SLC5A4: variants seen among roughly 807,000 people sequenced by gnomAD.
SLC5A4 encodes the protein probable glucose sensor protein SLC5A4.
SLC5A4 carries 55 observed loss-of-function variants against 70.3 expected under a neutral mutation model. That is an observed-to-expected ratio of 0.78 (90% CI 0.63 to 0.98). The LOEUF is 0.98. Ranked by LOEUF, SLC5A4 falls within the 50% of genes least tolerant of loss-of-function variation. The probability of loss-of-function intolerance (pLI) is 0.00; values close to 1 mark genes in which losing one functional copy is unlikely to be tolerated. For synonymous variants in SLC5A4, 268 were observed against 305.7 expected (o/e 0.88, Z 1.29); for missense variants, 735 against 839.2 (o/e 0.88, Z 1.53).
the SLC5A4 span, among the ~76,000 whole-genome samples, chr22:32,303,067 C>G: frequency 1.3e-5 from 2 of 151,694 alleles, no homozygotes; most frequent in African/African-American, 4.8e-5. Context: ...TTGTAGTTTT[C>G]AGGATATGGG....
the SLC5A4 span, among the ~76,000 whole-genome samples, chr22:32,292,631 A>G: frequency 6.6e-6 from 1 of 152,098 alleles, no homozygotes; most frequent in African/African-American, 2.4e-5. Context: ...ATAGAATTCT[A>G]TCTTAATGGC....
intron 7 of SLC5A4, 45 bp downstream of exon 7, chr22:32,237,199 C>G (rs1166119184): frequency 7.3e-7 from 1 of 1,373,620 alleles, no homozygotes. Context: ...AAACAAGTCC[C>G]GTGATTTCCA....
chr22:32,304,851 T>C, the SLC5A4 span, among the ~76,000 whole-genome samples: 1 of 41,262 alleles, frequency 2.4e-5, no homozygotes, highest in East Asian at 5.0e-4. Flanking sequence ...AGTTCTACAG[T>C]TTTTTTTTCT....
At chr22:32,271,925 C>T in the SLC5A4 span, 1 of 576,224 alleles carries the variant, frequency 1.7e-6, no homozygotes, top group Non-Finnish European at 3.3e-6. Context: ...CACCAACACA[C>T]TGTGCACCTG....
At chr22:32,338,376 C>T in the SLC5A4 span, among the ~76,000 whole-genome samples, 3 of 149,586 alleles carry the variant, frequency 2.0e-5, no homozygotes, top group Non-Finnish European at 3.0e-5. Flanking sequence ...AGGCTGGACG[C>T]GGTGCCTCAC....
intron 7 of SLC5A4, among the ~76,000 whole-genome samples, chr22:32,235,437 TG>T (rs1926004860): frequency 6.6e-6 from 1 of 152,164 alleles, no homozygotes; most frequent in Non-Finnish European, 1.5e-5. Context: ...AACTGGAAGG[TG>T]AGCTAACAAA....
the SLC5A4 span, chr22:32,271,199 C>T: frequency 1.3e-6 from 1 of 758,142 alleles, no homozygotes. Context: ...TGCCAGCTCC[C>T]CGACTGGCGG....
At chr22:32,342,541 CAAAAT>C in the SLC5A4 span, among the ~76,000 whole-genome samples, 2 of 151,896 alleles carry the variant, frequency 1.3e-5, no homozygotes, top group Non-Finnish European at 2.9e-5. Context: ...AATTAAAAAT[CAAAAT>C]AGAAGTACTT....
chr22:32,345,580 G>C, the SLC5A4 span, among the ~76,000 whole-genome samples: 1 of 152,044 alleles, frequency 6.6e-6, no homozygotes, highest in East Asian at 1.9e-4. Context: ...TGAGGGACAT[G>C]AAAAAGAGAA....
At chr22:32,286,649 T>C in the SLC5A4 span, among the ~76,000 whole-genome samples, 5 of 152,326 alleles carry the variant, frequency 3.3e-5, no homozygotes, top group African/African-American at 1.2e-4. Flanking sequence ...AGGACACTGA[T>C]ACTGGAGGCT....
chr22:32,253,420 G>A (rs992664704), intron 2 of SLC5A4, among the ~76,000 whole-genome samples: 2 of 152,194 alleles, frequency 1.3e-5, no homozygotes, highest in African/African-American at 4.8e-5. Flanking sequence ...GAGAGAGCCG[G>A]GAGGCTCCTC....
At chr22:32,330,682 G>GGT in the SLC5A4 span, among the ~76,000 whole-genome samples, 7 of 93,196 alleles carry the variant, frequency 7.5e-5, no homozygotes, top group Admixed American at 1.3e-4. Context: ...AGGGGGCTCT[G>GGT]GTGTGTGTGT....
chr22:32,320,257 C>T, the SLC5A4 span, among the ~76,000 whole-genome samples: 3 of 152,188 alleles, frequency 2.0e-5, no homozygotes, highest in Admixed American at 2.0e-4. Flanking sequence ...TGGGTTTCTG[C>T]TTCACTGCTG....
the SLC5A4 span, among the ~76,000 whole-genome samples, chr22:32,298,483 C>G: frequency 1.0e-5 from 1 of 97,656 alleles, no homozygotes; most frequent in Non-Finnish European, 2.2e-5. Flanking sequence ...CAACCCCTGC[C>G]TTTTTTTGTT....
chr22:32,287,874 C>T, the SLC5A4 span, among the ~76,000 whole-genome samples: 14 of 151,812 alleles, frequency 9.2e-5, no homozygotes, highest in Admixed American at 7.9e-4. Flanking sequence ...CCTAACCCTA[C>T]TCCATCATTA....
chr22:32,312,365 G>GCGCACACACA, the SLC5A4 span, among the ~76,000 whole-genome samples: 4 of 102,122 alleles, frequency 3.9e-5, no homozygotes, highest in African/African-American at 1.2e-4. Context: ...ACGCGCGCGC[G>GCGCACACACA]CACACACACA....
intron 9 of SLC5A4, among the ~76,000 whole-genome samples, chr22:32,231,395 G>A (rs1925753976): frequency 6.6e-6 from 1 of 152,210 alleles, no homozygotes; most frequent in Non-Finnish European, 1.5e-5. Flanking sequence ...ATTCTTCCAG[G>A]AACACAGAGC....
the SLC5A4 span, among the ~76,000 whole-genome samples, chr22:32,348,095 C>T: frequency 1.3e-5 from 2 of 152,144 alleles, no homozygotes; most frequent in African/African-American, 4.8e-5. Flanking sequence ...AGAGAGTCTG[C>T]ATAGTAAATC....
chr22:32,239,553 T>A (rs1301298701), intron 5 of SLC5A4, among the ~76,000 whole-genome samples: 2 of 16,684 alleles, frequency 1.2e-4, no homozygotes, highest in Non-Finnish European at 2.1e-4. Flanking sequence ...TATATATATA[T>A]ATATATATAT....
Sources: gnomAD v4.1 joint callset for allele counts (sites outside exome capture counted in the v4.1 genomes callset) on GRCh38, gnomAD v4.1.1 for gene constraint, MANE v1.5 for transcripts, NCBI Gene and HGNC (gene_info 2026-07-23, HGNC 2026-07-21) for gene names.